AK3: variants seen among roughly 807,000 people sequenced by gnomAD.
AK3 encodes GTP:AMP phosphotransferase AK3, mitochondrial.
A neutral mutation model predicts 23.7 loss-of-function variants in AK3; 27 were observed. The observed-to-expected ratio is 1.14, with a 90% CI of 0.84 to 1.57. The LOEUF is 1.57. AK3 is among the 40% of genes most tolerant of loss of function. The pLI is 0.00. For synonymous variants in AK3, 159 were observed against 116.0 expected, an observed-to-expected ratio of 1.37 and a Z score of -2.38; for missense variants, 406 against 285.6, an observed-to-expected ratio of 1.42 and a Z score of -3.04.
At chr9:4,725,589 T>G (rs12377966) in intron 1 of AK3, among the ~76,000 whole-genome samples, 43,176 of 151,440 alleles carry the variant, frequency 0.29, 7,454 homozygotes, top group Non-Finnish European at 0.37. Context: ...GCCAACATGG[T>G]GAAACCCCAT....
At chr9:4,722,359 G>C (rs1312552456) in intron 2 of AK3, 147 bp downstream of exon 2, 3 of 1,121,536 alleles carry the variant, frequency 2.7e-6, no homozygotes, top group Non-Finnish European at 3.7e-6. Flanking sequence ...ACTGGTCCCA[G>C]AGAAGATGAC....
intron 1 of AK3, among the ~76,000 whole-genome samples, chr9:4,733,653 A>C (rs1842205814): frequency 6.6e-6 from 1 of 151,882 alleles, no homozygotes; most frequent in South Asian, 2.1e-4. Context: ...CCAGGTCTAC[A>C]CTCCCCTTCC....
intron 1 of AK3, among the ~76,000 whole-genome samples, chr9:4,735,882 A>G (rs945459967): frequency 7.2e-5 from 11 of 152,142 alleles, no homozygotes; most frequent in African/African-American, 2.6e-4. Context: ...TGAGAAGCCG[A>G]GGTGGGTGGA....
At chr9:4,731,442 C>T (rs563561074) in intron 1 of AK3, among the ~76,000 whole-genome samples, 23 of 152,086 alleles carry the variant, frequency 1.5e-4, no homozygotes, top group Non-Finnish European at 2.5e-4. Context: ...CTGCAAAGGA[C>T]GTAATCTTGT....
intron 1 of AK3, among the ~76,000 whole-genome samples, chr9:4,723,679 T>C (rs1350060011): frequency 6.6e-6 from 1 of 152,206 alleles, no homozygotes; most frequent in Non-Finnish European, 1.5e-5. Flanking sequence ...TTTCGGTGGT[T>C]TTATATAGTC....
At chr9:4,727,990 C>G (rs953585416) in intron 1 of AK3, among the ~76,000 whole-genome samples, 4 of 152,132 alleles carry the variant, frequency 2.6e-5, no homozygotes, top group South Asian at 2.1e-4. Flanking sequence ...TAACATTTAT[C>G]AATTAAGTTT....
At chr9:4,721,718 C>G (rs1454513071) in intron 2 of AK3, among the ~76,000 whole-genome samples, 2 of 152,174 alleles carry the variant, frequency 1.3e-5, no homozygotes, top group Non-Finnish European at 2.9e-5. Flanking sequence ...CTTGGCCTCC[C>G]AAAGTGCTGG....
intron 1 of AK3, among the ~76,000 whole-genome samples, chr9:4,729,691 G>A (rs2130901031): frequency 6.6e-6 from 1 of 152,136 alleles, no homozygotes; most frequent in South Asian, 2.1e-4. Context: ...TACGGGCATG[G>A]TGGTGCATGC....
intron 1 of AK3, among the ~76,000 whole-genome samples, chr9:4,739,440 C>A (rs1053983370): frequency 6.6e-6 from 1 of 150,914 alleles, no homozygotes; most frequent in Non-Finnish European, 1.5e-5. Context: ...GTGATCCGCC[C>A]GCCTTGACCT....
intron 1 of AK3, among the ~76,000 whole-genome samples, chr9:4,737,107 C>T (rs757344801): frequency 6.6e-6 from 1 of 151,682 alleles, no homozygotes; most frequent in African/African-American, 2.4e-5. Flanking sequence ...CTATATAGTT[C>T]TTTACTATAT....
At chr9:4,741,360 GCGCCC>G (rs1842431293), upstream of AK3, 1 of 299,824 alleles carries the variant, frequency 3.3e-6, no homozygotes, top group Non-Finnish European at 5.9e-6. Context: ...CGCGCAAGCC[GCGCCC>G]CCTCTGCGCT....
intron 4 of AK3, among the ~76,000 whole-genome samples, chr9:4,714,182 C>CACATATATGCCTACACATATACGCCTA (rs1841656302): frequency 3.2e-5 from 1 of 31,024 alleles, no homozygotes; most frequent in Non-Finnish European, 8.3e-5. Flanking sequence ...ACATACGCCT[C>CACATATATGCCTACACATATACGCCTA]CACATACACA....
At chr9:4,735,354 T>TATATATATATACATATATAA in intron 1 of AK3, among the ~76,000 whole-genome samples, 1 of 21,084 alleles carries the variant, frequency 4.7e-5, no homozygotes, top group Non-Finnish European at 9.5e-5. Flanking sequence ...CATATATAAA[T>TATATATATATACATATATAA]ATATATATAC....
At chr9:4,720,693 A>AAAC (rs2130883463) in intron 2 of AK3, among the ~76,000 whole-genome samples, 1 of 152,162 alleles carries the variant, frequency 6.6e-6, no homozygotes, top group East Asian at 1.9e-4. Flanking sequence ...TGTCTCCAAA[A>AAAC]AAAAAAAAGT....
At chr9:4,727,908 C>G (rs1298135862) in intron 1 of AK3, among the ~76,000 whole-genome samples, 1 of 152,034 alleles carries the variant, frequency 6.6e-6, no homozygotes, top group Non-Finnish European at 1.5e-5. Flanking sequence ...ATTGTTGTGT[C>G]TCAGGGAATA....
Position 4,717,357 on chromosome 9 carries a change from T to C in AK3, c.563+1062A>G, listed in dbSNP as rs114418806. ...TAAGTCAAATACTCATTCAGTACGGTTCCTATACGTGTTGCAGACAAAACA... is the reference window on the plus strand; with the variant it reads ...TAAGTCAAATACTCATTCAGTACGGCTCCTATACGTGTTGCAGACAAAACA... On this transcript the variant is annotated intron_variant, in intron 4 of 4. Coordinates refer to ENST00000381809, the MANE Select transcript of AK3 (RefSeq NM_016282.4). 4.5e-3 allele frequency among the ~76,000 whole-genome samples: 691 copies of C among 152,292 alleles called. 7 individuals are homozygous for C. The highest frequency in any genetic ancestry group is 0.016 in the African/African-American group (658 of 41,550).
Position 4,723,066 on chromosome 9 carries a change from G to A in AK3, c.152-441C>T, listed in dbSNP as rs182767798. Among the ~76,000 whole-genome samples, 36 of 147,270 alleles carry A rather than the reference G, an allele frequency of 2.4e-4. 1 individual carries two copies. The East Asian group carries it at 6.2e-3, about 25-fold the overall frequency. Reference sequence around the variant, plus strand: ...AGCCTGGGCAACAGAGTGAGACTCCGTCTCAAAAACAAAAACAAAAACAAA... The same window carrying A: ...AGCCTGGGCAACAGAGTGAGACTCCATCTCAAAAACAAAAACAAAAACAAA... On this transcript the variant is annotated intron_variant, in intron 1 of 4. Transcript: ENST00000381809.
chr9:4,734,859 A>T (rs1341628041), intron 1 of AK3, among the ~76,000 whole-genome samples: 1 of 152,216 alleles, frequency 6.6e-6, no homozygotes, highest in African/African-American at 2.4e-5. Context: ...AGTGTGGATG[A>T]GCCTTGAAAA....
intron 1 of AK3, among the ~76,000 whole-genome samples, chr9:4,728,595 G>C (rs1253813778): frequency 6.6e-6 from 1 of 151,980 alleles, no homozygotes. Flanking sequence ...ATAAAAACAA[G>C]TGTTGGTAAG....
Sources: allele counts gnomAD v4.1 joint callset (sites outside exome capture counted in the v4.1 genomes callset), GRCh38; gene constraint gnomAD v4.1.1; transcripts MANE v1.5; gene names NCBI Gene and HGNC (gene_info 2026-07-23, HGNC 2026-07-21).